The following NUBPL variants were observed in gnomAD, a reference collection of about 807,000 sequenced individuals.
NUBPL encodes the protein iron-sulfur cluster transfer protein NUBPL.
A neutral mutation model predicts 45.7 loss-of-function variants in NUBPL; 31 were observed. The observed-to-expected ratio is 0.68, with a 90% CI of 0.51 to 0.92. The LOEUF is 0.92. NUBPL is among the 40% of genes least tolerant of loss of function. NUBPL has a pLI of 0.00. For synonymous variants in NUBPL, 144 were observed against 140.9 expected, an observed-to-expected ratio of 1.02 and a Z score of -0.15; for missense variants, 401 against 398.7, an observed-to-expected ratio of 1.01 and a Z score of -0.05.
intron 6 of NUBPL, among the ~76,000 whole-genome samples, chr14:31,712,076 C>T (rs549598236): frequency 9.2e-5 from 14 of 152,300 alleles, no homozygotes; most frequent in African/African-American, 2.9e-4. Context: ...GAAGGGGACC[C>T]GGAGCGGGTT....
chr14:31,698,998 G>A (rs2139886498), intron 6 of NUBPL, among the ~76,000 whole-genome samples: 1 of 152,174 alleles, frequency 6.6e-6, no homozygotes, highest in African/African-American at 2.4e-5. Flanking sequence ...GAGACTACAG[G>A]CATGCACCAC....
intron 7 of NUBPL, among the ~76,000 whole-genome samples, chr14:31,807,407 G>A (rs2138887702): frequency 6.6e-6 from 1 of 152,254 alleles, no homozygotes; most frequent in Admixed American, 6.5e-5. Context: ...TCTGTTGGCT[G>A]CATAAATGTC....
intron 3 of NUBPL, among the ~76,000 whole-genome samples, chr14:31,575,516 T>C (rs1350456372): frequency 6.6e-6 from 1 of 152,196 alleles, no homozygotes; most frequent in African/African-American, 2.4e-5. Context: ...ATAAGAGTTG[T>C]TCTTATTAGC....
chr14:31,776,486 C>T lies in NUBPL; in HGVS notation c.514-11294C>T, dbSNP rs545619262. Among the ~76,000 whole-genome samples, 4 of 152,342 alleles carry T rather than the reference C, an allele frequency of 2.6e-5. No homozygotes were observed. In the East Asian group the frequency reaches 7.7e-4, roughly 29 times the overall value. On this transcript the variant is annotated intron_variant, in intron 6 of 10. Coordinates refer to ENST00000281081, the MANE Select transcript of NUBPL (RefSeq NM_025152.3). ...AGGAGACAGAAGGAAACGCTCAAAT[C>T]TGTCTTCCCAAGCTGACTGGATCCT... is the stretch of plus-strand genomic sequence containing the variant.
chr14:31,818,578 G>A (rs748665271), intron 7 of NUBPL, among the ~76,000 whole-genome samples: 7 of 148,560 alleles, frequency 4.7e-5, no homozygotes, highest in African/African-American at 7.9e-5. Context: ...TTGGAGTCTC[G>A]CACTGTCACC....
chr14:31,725,855 G>A (rs923554733), intron 6 of NUBPL, among the ~76,000 whole-genome samples: 6 of 151,530 alleles, frequency 4.0e-5, no homozygotes, highest in Non-Finnish European at 5.9e-5. Flanking sequence ...GATTACAGGC[G>A]CCCACCACCA....
At chr14:31,737,846 C>G (rs2038196876) in intron 6 of NUBPL, among the ~76,000 whole-genome samples, 1 of 152,142 alleles carries the variant, frequency 6.6e-6, no homozygotes, top group Non-Finnish European at 1.5e-5. Flanking sequence ...AGTTGAAGCT[C>G]TCCTTTCTTC....
intron 4 of NUBPL, among the ~76,000 whole-genome samples, chr14:31,603,233 A>G (rs2034493248): frequency 6.6e-6 from 1 of 151,220 alleles, no homozygotes; most frequent in African/African-American, 2.4e-5. Context: ...CCTGGAAGTC[A>G]AGGCTGCAGT....
At chr14:31,761,181 T>G (rs1482086227) in intron 6 of NUBPL, among the ~76,000 whole-genome samples, 1 of 152,008 alleles carries the variant, frequency 6.6e-6, no homozygotes, top group African/African-American at 2.4e-5. Flanking sequence ...AAGATAACAC[T>G]TCTGAATTTT....
intron 6 of NUBPL, among the ~76,000 whole-genome samples, chr14:31,736,917 A>G (rs1416980856): frequency 1.3e-5 from 2 of 152,182 alleles, no homozygotes; most frequent in Admixed American, 6.5e-5. Flanking sequence ...TTTGTGTTTT[A>G]AAAATGCATC....
chr14:31,647,566 A>G (rs1024322275), intron 4 of NUBPL, among the ~76,000 whole-genome samples: 1 of 152,168 alleles, frequency 6.6e-6, no homozygotes, highest in Non-Finnish European at 1.5e-5. Context: ...GGACCTGTGT[A>G]ACACACCTCC....
Position 31,636,587 on chromosome 14 carries a change from G to C in NUBPL, c.383-36768G>C, listed in dbSNP as rs28886603. The stretch of plus-strand genomic sequence containing the variant: ...GTGTCTCTGCCTGGCTTTGGTATCA[G>C]GATGATGCTGGCCTCATAAAATGAG... On this transcript the variant is annotated intron_variant, in intron 4 of 10. Transcript: ENST00000281081. Among the ~76,000 whole-genome samples the C allele has an allele frequency of 2.8e-3, 428 of 152,206 alleles. 2 individuals carry two copies. The highest frequency in any genetic ancestry group is 9.9e-3 in the African/African-American group (413 of 41,510).
At chr14:31,850,314 A>G (rs2040518752) in intron 10 of NUBPL, 113 bp downstream of exon 10, 1 of 815,600 alleles carries the variant, frequency 1.2e-6, no homozygotes, top group Non-Finnish European at 2.1e-6. Flanking sequence ...ATATTTAAAC[A>G]AGGATTATTT....
intron 6 of NUBPL, among the ~76,000 whole-genome samples, chr14:31,748,212 G>A (rs1413426774): frequency 6.6e-6 from 1 of 152,110 alleles, no homozygotes; most frequent in Non-Finnish European, 1.5e-5. Flanking sequence ...TTGTTTTGTG[G>A]CCTAACATAT....
At chr14:31,784,816 A>G (rs565901669) in intron 6 of NUBPL, among the ~76,000 whole-genome samples, 36 of 152,306 alleles carry the variant, frequency 2.4e-4, no homozygotes, top group African/African-American at 8.7e-4. Context: ...AAACAAATCA[A>G]CATATAATGT....
intron 6 of NUBPL, among the ~76,000 whole-genome samples, chr14:31,681,555 CTTTTA>C (rs1217278544): frequency 1.3e-5 from 2 of 151,288 alleles, no homozygotes; most frequent in African/African-American, 4.8e-5. Flanking sequence ...ATTGTTTCTG[CTTTTA>C]TCATTATTAT....
rs373446563 is a variant in NUBPL, at chr14:31,686,349, G to A, written c.513+12775G>A. ...GATCAGGAGACTGGGTAAAATTGGA[G>A]AGATCAAATATGAAACACCTGGAAT... On this transcript the variant is annotated intron_variant, in intron 6 of 10. Transcript: ENST00000281081. Among the ~76,000 whole-genome samples, 9 of 152,200 alleles carry A rather than the reference G, an allele frequency of 5.9e-5. No individual in the cohort carries two copies. In the East Asian group the frequency reaches 1.2e-3, roughly 20 times the overall value.
chr14:31,740,029 G>C (rs1029269247), intron 6 of NUBPL, among the ~76,000 whole-genome samples: 1 of 152,128 alleles, frequency 6.6e-6, no homozygotes, highest in Non-Finnish European at 1.5e-5. Context: ...CATTGTTTGT[G>C]TATATCACAG....
At chr14:31,602,407 A>G (rs1354815504) in intron 4 of NUBPL, among the ~76,000 whole-genome samples, 1 of 150,826 alleles carries the variant, frequency 6.6e-6, no homozygotes, top group Non-Finnish European at 1.5e-5. Flanking sequence ...AAAAAAAAGA[A>G]AAAAAAAGCA....
Sources: gnomAD v4.1 joint callset for allele counts (sites outside exome capture counted in the v4.1 genomes callset) on GRCh38, gnomAD v4.1.1 for gene constraint, MANE v1.5 for transcripts, NCBI Gene and HGNC (gene_info 2026-07-23, HGNC 2026-07-21) for gene names.